Variants in ANGPTL2 observed in about 807,000 individuals in gnomAD.
ANGPTL2 encodes the protein angiopoietin-related protein 2.
Under a neutral mutation model 52.8 loss-of-function variants are expected in ANGPTL2, and 25 were observed. The ratio of observed to expected loss-of-function variants is 0.47; its 90% confidence interval spans 0.35 to 0.66. The LOEUF is 0.66. ANGPTL2 is among the 30% of genes least tolerant of loss of function. ANGPTL2 has a pLI of 0.01. For synonymous variants in ANGPTL2, 276 were observed against 277.4 expected, an observed-to-expected ratio of 1.00 and a Z score of 0.05; for missense variants, 546 against 656.9, an observed-to-expected ratio of 0.83 and a Z score of 1.84.
chr9:127,100,572 G>C (rs887348168), intron 2 of ANGPTL2, among the ~76,000 whole-genome samples: 5 of 152,198 alleles, frequency 3.3e-5, no homozygotes, highest in African/African-American at 1.2e-4. Flanking sequence ...GGCTCCCTGG[G>C]GGCAGTGGCC....
At chr9:127,103,639 G>A (rs1227774279) in intron 2 of ANGPTL2, among the ~76,000 whole-genome samples, 1 of 152,330 alleles carries the variant, frequency 6.6e-6, no homozygotes, top group African/African-American at 2.4e-5. Flanking sequence ...GCTAGGCCTA[G>A]GGAGGGGGAG....
chr9:127,113,237 C>G (rs951248829), intron 1 of ANGPTL2, among the ~76,000 whole-genome samples: 5 of 152,074 alleles, frequency 3.3e-5, no homozygotes, highest in African/African-American at 1.2e-4. Flanking sequence ...AGTGATTTGC[C>G]CAGGAACACA....
intron 2 of ANGPTL2, among the ~76,000 whole-genome samples, chr9:127,099,750 C>T (rs148605612): frequency 2.3e-4 from 35 of 152,356 alleles, no homozygotes; most frequent in Non-Finnish European, 4.6e-4. Context: ...AACCTAAACA[C>T]AGGAATAGCT....
rs2052496047 is a variant in ANGPTL2 at position 127,091,697 on chromosome 9, G to C, written c.1255C>G (p.Leu419Val). 1 of 1,613,842 alleles carries C rather than the reference G, an allele frequency of 6.2e-7. No homozygotes were observed. The highest frequency in any genetic ancestry group is 8.5e-7 in the Non-Finnish European group (1 of 1,180,034). The change falls in exon 4 of 5, where the codon CTG becomes GTG. Residue 419 changes from leucine (L) to valine (V), a missense_variant. By Grantham distance (32) the Leu-to-Val change is conservative. Transcript: ENST00000373425. This position sits in a 1 kb window ranked among gnomAD's most constrained non-coding sequence, Gnocchi z 4.3. ...GTGTAGACATCATGATCTCTGTCCAGGGTGGTGAACTGCTTGCCGTTGTGC... is the reference window on the plus strand; with the variant it reads ...GTGTAGACATCATGATCTCTGTCCACGGTGGTGAACTGCTTGCCGTTGTGC... ...TWHNGKQFTT[L>V]DRDHDVYTGN...
In ANGPTL2 at chr9:127,109,315, C is replaced by T. The variant is rs143748336; in HGVS notation, c.-49-535G>A. On this transcript the variant is annotated intron_variant, in intron 1 of 4. Coordinates refer to ENST00000373425, the MANE Select transcript of ANGPTL2 (RefSeq NM_012098.3). ...GGATTCTAACTCCATGAGGGCATGT[C>T]GTCTGTCTGATTCAACCCTGTATTC... Among the ~76,000 whole-genome samples, 1,301 of 152,308 alleles carry T rather than the reference C, an allele frequency of 8.5e-3. 16 individuals carry two copies. The highest frequency in any genetic ancestry group is 0.024 in the African/African-American group (1,010 of 41,564).
At chr9:127,121,176 C>A (rs1408424205) in intron 1 of ANGPTL2, among the ~76,000 whole-genome samples, 1 of 152,202 alleles carries the variant, frequency 6.6e-6, no homozygotes, top group Non-Finnish European at 1.5e-5. Flanking sequence ...CAAGTTGAGT[C>A]TGGCATAGAG....
chr9:127,108,506 G>C lies in ANGPTL2; in HGVS notation c.226C>G (p.Pro76Ala), dbSNP rs1253951658. The change falls in exon 2 of 5, where the codon CCT becomes GCT. Residue 76 changes from proline to alanine, a missense_variant. Physicochemically the swap from Pro to Ala is conservative, Grantham distance 27 (BLOSUM62 -1). Transcript: ENST00000373425. Reference sequence around the variant, plus strand: ...ACTCGGTTCTCCAGAAGCACCTCAGGCTCCTTGGAGTTGACGCAGATGGCA... The same window carrying C: ...ACTCGGTTCTCCAGAAGCACCTCAGCCTCCTTGGAGTTGACGCAGATGGCA... ...TGAICVNSKEPEVLLENRVHK... is the reference protein window; with the variant it reads ...TGAICVNSKEAEVLLENRVHK... The C allele has an allele frequency of 1.6e-5, 25 of 1,612,762 alleles. No individual in the cohort carries two copies. The highest frequency in any genetic ancestry group is 2.0e-5 in the Non-Finnish European group (24 of 1,179,682).
chr9:127,089,372 C>G (rs181703411), intron 4 of ANGPTL2, among the ~76,000 whole-genome samples: 47 of 152,318 alleles, frequency 3.1e-4, no homozygotes, highest in African/African-American at 1.1e-3. Context: ...CCTCTCCCAG[C>G]CACTGTATCC....
chr9:127,090,392 C>T (rs2052324483), intron 4 of ANGPTL2, among the ~76,000 whole-genome samples: 1 of 152,260 alleles, frequency 6.6e-6, no homozygotes, highest in Non-Finnish European at 1.5e-5. Flanking sequence ...GAAGCCTCGG[C>T]AGCCCCTACT....
In ANGPTL2 at chr9:127,108,172, G is replaced by A; in HGVS notation, c.560C>T (p.Ala187Val). 1 of 1,614,082 alleles carries A rather than the reference G, an allele frequency of 6.2e-7. No homozygotes were observed. The highest frequency in any genetic ancestry group is 1.1e-5 in the South Asian group (1 of 91,086). ...CTCTGATTGGTTGTGGGCCAGTGTG[G>A]CCAGGTGCTGGTACTTGTGCTCCAG... ...KDLEHKYQHL[A>V]TLAHNQSEII... The change falls in exon 2 of 5, where the codon GCC becomes GTC. Residue 187 changes from alanine (A) to valine (V), a missense_variant. Coordinates refer to ENST00000373425, the MANE Select transcript of ANGPTL2 (RefSeq NM_012098.3).
chr9:127,115,057 A>G (rs1283308195), intron 1 of ANGPTL2, among the ~76,000 whole-genome samples: 1 of 152,184 alleles, frequency 6.6e-6, no homozygotes, highest in Non-Finnish European at 1.5e-5. Context: ...ATTGCTAATA[A>G]TGGCTGTCGT....
chr9:127,089,115 C>T lies in ANGPTL2; in HGVS notation c.1306G>A (p.Gly436Arg). The T allele has an allele frequency of 1.2e-6, 2 of 1,614,170 alleles. No individual in the cohort carries two copies. The highest frequency in any genetic ancestry group is 1.7e-6 in the Non-Finnish European group (2 of 1,180,030). The change falls in exon 5 of 5, where the codon GGA becomes AGA. Residue 436 changes from glycine to arginine, a missense_variant. Coordinates refer to ENST00000373425, the MANE Select transcript of ANGPTL2 (RefSeq NM_012098.3). ...GCACAGGCGTTATACCACCAGCCTC[C>T]CTTCTGGTAGTGGGCACAGTTTCCT... Reference protein sequence around the residue: ...YTGNCAHYQKGGWWYNACAHS... With the variant: ...YTGNCAHYQKRGWWYNACAHS...
intron 1 of ANGPTL2, among the ~76,000 whole-genome samples, chr9:127,118,961 T>C (rs1164067770): frequency 2.0e-5 from 3 of 152,228 alleles, no homozygotes; most frequent in Non-Finnish European, 4.4e-5. Flanking sequence ...ACCTGAGCTC[T>C]GATTCTTCAG....
Position 127,098,059 on chromosome 9 carries a change from C to T in ANGPTL2, c.818-4133G>A, listed in dbSNP as rs1441070904. 2.0e-5 allele frequency among the ~76,000 whole-genome samples: 3 copies of T among 152,310 alleles called. No individual in the cohort carries two copies. In the East Asian group the frequency reaches 5.8e-4, roughly 29 times the overall value. On this transcript the variant is annotated intron_variant, in intron 2 of 4. Transcript: ENST00000373425. ...GAAAGCTGACATTTTTGAAGTTGTT[C>T]ACCCCCCCAACTAATTCCTCCTCCA...
At position 127,091,863 on chromosome 9, in the gene ANGPTL2, G is replaced by A; in HGVS notation, c.1089C>T (p.Tyr363=). The change falls in exon 4 of 5, where the codon TAC becomes TAT. Residue 363 remains tyrosine, a synonymous_variant. Transcript: ENST00000373425. This position sits in a 1 kb window ranked among gnomAD's most constrained non-coding sequence, Gnocchi z 4.3. ...AGTCCTCCATGGTCACCAGGAGTTT[G>A]TAGTTGCCTTGGTTCGTCAGCCAGT... is the stretch of plus-strand genomic sequence containing the variant. ...NIYWLTNQGN[Y]KLLVTMEDWS... The A allele has an allele frequency of 6.2e-7, 1 of 1,614,192 alleles. No individual in the cohort carries two copies. Among genetic ancestry groups the A allele is most frequent in the Non-Finnish European group, 8.5e-7 (1 of 1,180,026 alleles).
intron 1 of ANGPTL2, among the ~76,000 whole-genome samples, chr9:127,120,640 G>T (rs978805034): frequency 6.6e-6 from 1 of 152,154 alleles, no homozygotes; most frequent in Non-Finnish European, 1.5e-5. Flanking sequence ...TGGCTAACGT[G>T]GTGAAACCCG....
chr9:127,091,758 C>T lies in ANGPTL2; in HGVS notation c.1194G>A (p.Gly398=). The T allele has an allele frequency of 6.2e-7, 1 of 1,614,180 alleles. No homozygotes were observed. The highest frequency in any genetic ancestry group is 1.1e-5 in the South Asian group (1 of 91,082). The change falls in exon 4 of 5, where the codon GGG becomes GGA. Residue 398 remains glycine (G), a synonymous_variant. Coordinates refer to ENST00000373425, the MANE Select transcript of ANGPTL2 (RefSeq NM_012098.3). This position sits in a 1 kb window ranked among gnomAD's most constrained non-coding sequence, Gnocchi z 4.3. Reference sequence around the variant, plus strand: ...AGTCACCCGCATTGCCATGGTAGCGCCCCAGCCGCAGCTTATAATACTCGC... The same window carrying T: ...AGTCACCCGCATTGCCATGGTAGCGTCCCAGCCGCAGCTTATAATACTCGC... The part of the protein sequence containing the change: ...PESEYYKLRL[G]RYHGNAGDSF...
intron 1 of ANGPTL2, among the ~76,000 whole-genome samples, chr9:127,120,784 T>C (rs2055982596): frequency 6.6e-6 from 1 of 150,516 alleles, no homozygotes; most frequent in Non-Finnish European, 1.5e-5. Context: ...GCCGAGATCA[T>C]GCCACTGCAC....
chr9:127,093,619 C>G, intron 3 of ANGPTL2, 114 bp downstream of exon 3: 1 of 1,326,124 alleles, frequency 7.5e-7, no homozygotes, highest in East Asian at 2.3e-5. Flanking sequence ...CCGCACAGGC[C>G]TGGGCTTGGT....
Sources: gnomAD v4.1 joint callset for allele counts (sites outside exome capture counted in the v4.1 genomes callset) on GRCh38, gnomAD v4.1.1 for gene constraint, Gnocchi (gnomAD v3.1) non-coding constraint, MANE v1.5 for transcripts, NCBI Gene and HGNC (gene_info 2026-07-23, HGNC 2026-07-21) for gene names.